TAF12: variants seen among roughly 807,000 people sequenced by gnomAD.
TAF12 encodes TATA-box binding protein associated factor 12.
Under a neutral mutation model 20.8 loss-of-function variants are expected in TAF12, and 3 were observed. The ratio of observed to expected loss-of-function variants is 0.14; its 90% CI spans 0.07 to 0.37. TAF12 has a LOEUF of 0.37. TAF12 is among the 10% of genes least tolerant of loss of function. TAF12 has a pLI of 1.00. For synonymous variants in TAF12, 69 were observed against 70.2 expected (o/e 0.98, Z 0.09); for missense variants, 131 against 197.9 (o/e 0.66, Z 2.03).
At chr1:28,605,872 C>A (rs1364822520) in intron 4 of TAF12, among the ~76,000 whole-genome samples, 2 of 152,230 alleles carry the variant, frequency 1.3e-5, no homozygotes, top group Non-Finnish European at 2.9e-5. Flanking sequence ...GCAATCTCGA[C>A]TCACTGCAAT....
At chr1:28,638,195 A>G (rs910276651) in intron 1 of TAF12, among the ~76,000 whole-genome samples, 5 of 148,474 alleles carry the variant, frequency 3.4e-5, no homozygotes, top group African/African-American at 7.5e-5. Flanking sequence ...ATTTTATTTT[A>G]TTTTATTTTT....
At chr1:28,638,681 T>C (rs1667926920) in intron 1 of TAF12, among the ~76,000 whole-genome samples, 1 of 150,470 alleles carries the variant, frequency 6.6e-6, no homozygotes, top group Non-Finnish European at 1.5e-5. Flanking sequence ...AGACGGGGTT[T>C]TACCATGTTG....
At chr1:28,615,147 G>A (rs1314980514) in intron 3 of TAF12, among the ~76,000 whole-genome samples, 1 of 151,942 alleles carries the variant, frequency 6.6e-6, no homozygotes, top group Non-Finnish European at 1.5e-5. Flanking sequence ...GCACGCACAT[G>A]AAAAAACTGA....
intron 4 of TAF12, 34 bp downstream of exon 4, chr1:28,613,213 A>C: frequency 6.4e-7 from 1 of 1,559,186 alleles, no homozygotes; most frequent in Non-Finnish European, 8.8e-7. Context: ...GAAGCAGTTG[A>C]ATCCATACTT....
rs1458008334 is a variant in TAF12 at position 28,638,675 on chromosome 1, G to A, written c.-85+4317C>T. Among the ~76,000 whole-genome samples the A allele has an allele frequency of 4.7e-5, 7 of 149,502 alleles. No individual in the cohort carries two copies. The South Asian group carries it at 8.5e-4, about 18-fold the overall frequency. On this transcript the variant is annotated intron_variant, in intron 1 of 5. Coordinates refer to ENST00000373824, the MANE Select transcript of TAF12 (RefSeq NM_005644.4). Reference sequence around the variant, plus strand: ...TGATTTTTATATTTTTAGTAGAGACGGGGTTTTACCATGTTGGCCAGGCTG... The same window carrying A: ...TGATTTTTATATTTTTAGTAGAGACAGGGTTTTACCATGTTGGCCAGGCTG...
chr1:28,608,834 C>T (rs774145201), intron 4 of TAF12, among the ~76,000 whole-genome samples: 13 of 150,544 alleles, frequency 8.6e-5, no homozygotes, highest in South Asian at 2.1e-4. Flanking sequence ...CCAGTTACTC[C>T]GAAGGCTGAG....
chr1:28,623,043 A>AC (rs1667271630), intron 1 of TAF12, among the ~76,000 whole-genome samples: 2 of 151,690 alleles, frequency 1.3e-5, no homozygotes, highest in African/African-American at 4.8e-5. Context: ...CCACAAAAAA[A>AC]AAAACAAAAC....
chr1:28,607,490 G>A (rs189825986), intron 4 of TAF12, among the ~76,000 whole-genome samples: 24 of 152,272 alleles, frequency 1.6e-4, no homozygotes, highest in Non-Finnish European at 5.9e-5. Flanking sequence ...GGCCAACATG[G>A]TGAAACCTGG....
intron 4 of TAF12, among the ~76,000 whole-genome samples, chr1:28,607,240 A>C (rs1384650439): frequency 6.6e-6 from 1 of 152,216 alleles, no homozygotes; most frequent in African/African-American, 2.4e-5. Flanking sequence ...TAGTATTTGA[A>C]AGTGACACTG....
chr1:28,622,690 C>T (rs1419502492), intron 1 of TAF12, among the ~76,000 whole-genome samples: 3 of 151,958 alleles, frequency 2.0e-5, no homozygotes, highest in Non-Finnish European at 4.4e-5. Context: ...GAGTTCAAGA[C>T]CAGCCTGGGG....
intron 1 of TAF12, 32 bp downstream of exon 1, chr1:28,642,960 T>G (rs1202528396): frequency 1.0e-6 from 1 of 986,186 alleles, no homozygotes; most frequent in Non-Finnish European, 1.2e-6. Context: ...CCTCCCGCTC[T>G]TGTTCCTCAA....
At chr1:28,608,175 C>CAAAAA (rs58747974) in intron 4 of TAF12, among the ~76,000 whole-genome samples, 1 of 63,736 alleles carries the variant, frequency 1.6e-5, no homozygotes, top group Non-Finnish European at 3.2e-5. Flanking sequence ...ACTAAAAATA[C>CAAAAA]AAAAAAAAAA....
chr1:28,610,272 T>G (rs1415631140), intron 4 of TAF12, among the ~76,000 whole-genome samples: 3 of 152,048 alleles, frequency 2.0e-5, no homozygotes, highest in African/African-American at 4.8e-5. Flanking sequence ...CTGGCCGATT[T>G]GTTTTTTAAT....
upstream of TAF12, among the ~76,000 whole-genome samples, chr1:28,644,391 T>A (rs1421549582): frequency 1.3e-5 from 2 of 152,242 alleles, no homozygotes; most frequent in Admixed American, 1.3e-4. Context: ...CTAGCCTTAT[T>A]TCCTTGCCAC....
chr1:28,617,987 T>C lies in TAF12; in HGVS notation c.212A>G (p.Asp71Gly), dbSNP rs752907499. The C allele has an allele frequency of 1.2e-6, 2 of 1,614,004 alleles. No individual in the cohort carries two copies. Among genetic ancestry groups the C allele is most frequent in the Non-Finnish European group, 1.7e-6 (2 of 1,179,964 alleles). Residue 71 changes from aspartate to glycine, a missense_variant, in exon 3 of 6, where the codon GAT (aspartate) becomes GGT (glycine). Physicochemically the swap from Asp to Gly is moderately conservative, Grantham distance 94. Coordinates refer to ENST00000373824, the MANE Select transcript of TAF12 (RefSeq NM_005644.4). ...KKLQDLVREV[D>G]PNEQLDEDVE... ...ATCTTCATCCAACTGCTCATTAGGA[T>C]CCACTTCTCTTACTAAGTCCTGTAA...
chr1:28,633,455 A>G (rs1271484718), intron 1 of TAF12, among the ~76,000 whole-genome samples: 1 of 149,598 alleles, frequency 6.7e-6, no homozygotes, highest in Non-Finnish European at 1.5e-5. Context: ...GGCATGAGAC[A>G]CTGTATCCAA....
At position 28,603,314 on chromosome 1, in the gene TAF12, T is replaced by C. The variant is rs1182829248; in HGVS notation, c.*225A>G. The C allele has an allele frequency of 8.7e-5, 48 of 552,836 alleles. No individual in the cohort carries two copies. Among genetic ancestry groups the C allele is most frequent in the Non-Finnish European group, 9.7e-6 (3 of 310,806 alleles). 34.2% of individuals were successfully genotyped at this position (552,836 alleles called of 1,614,324 possible). On this transcript the variant is annotated 3_prime_UTR_variant, in exon 6 of 6. Coordinates refer to ENST00000373824, the MANE Select transcript of TAF12 (RefSeq NM_005644.4). ...AATAAAATCTTCTCTGGAAGATACATTGCTCCTCTTTGAGATGGCAGGGAA... is the reference window on the plus strand; with the variant it reads ...AATAAAATCTTCTCTGGAAGATACACTGCTCCTCTTTGAGATGGCAGGGAA...
intron 4 of TAF12, 119 bp from the exon 5 acceptor site, chr1:28,605,579 G>T: frequency 1.1e-6 from 1 of 895,952 alleles, no homozygotes. Flanking sequence ...ACTCCACAAA[G>T]GGATTCTATT....
chr1:28,619,512 AT>A (rs1328106486), intron 2 of TAF12, among the ~76,000 whole-genome samples: 6 of 149,230 alleles, frequency 4.0e-5, no homozygotes, highest in Non-Finnish European at 4.4e-5. Context: ...AAAAAAAAAA[AT>A]CTAAAAAATA....
Sources: allele counts gnomAD v4.1 joint callset (sites outside exome capture counted in the v4.1 genomes callset), GRCh38; gene constraint gnomAD v4.1.1; transcripts MANE v1.5; gene names NCBI Gene and HGNC (gene_info 2026-07-23, HGNC 2026-07-21).